PRCP: variants seen among roughly 807,000 people sequenced by gnomAD.
PRCP encodes lysosomal Pro-X carboxypeptidase.
PRCP carries 46 observed loss-of-function variants against 54.2 expected under a neutral mutation model. That is an observed-to-expected ratio of 0.85 (90% CI 0.67 to 1.09). The LOEUF is 1.09. Ranked by LOEUF, PRCP falls within the 50% of genes least tolerant of loss-of-function variation. PRCP has a pLI of 0.00. For missense variants in PRCP, 613 were observed against 596.8 expected (o/e 1.03, Z -0.28); for synonymous variants, 240 against 212.2 (o/e 1.13, Z -1.14).
chr11:82,864,431 C>A (rs1450756488), intron 1 of PRCP, among the ~76,000 whole-genome samples: 1 of 152,172 alleles, frequency 6.6e-6, no homozygotes, highest in Non-Finnish European at 1.5e-5. Flanking sequence ...CTGTTCTGGG[C>A]TCCTGAATAA....
chr11:82,861,955 A>C (rs1031661111), intron 1 of PRCP, among the ~76,000 whole-genome samples: 1 of 152,160 alleles, frequency 6.6e-6, no homozygotes, highest in Non-Finnish European at 1.5e-5. Flanking sequence ...AAATGCTCCA[A>C]ATCTGAAACT....
intron 1 of PRCP, among the ~76,000 whole-genome samples, chr11:82,888,584 A>G (rs1194331079): frequency 6.6e-6 from 1 of 152,208 alleles, no homozygotes; most frequent in Non-Finnish European, 1.5e-5. Flanking sequence ...AAACAAAGAA[A>G]AAACAAGAAA....
rs577370200 is a variant in PRCP, at chr11:82,838,555, A to T, written c.1106T>A (p.Met369Lys). The T allele has an allele frequency of 6.2e-7, 1 of 1,613,784 alleles. No homozygotes were observed. The highest frequency in any genetic ancestry group is 1.7e-5 in the Admixed American group (1 of 59,976). The change falls in exon 8 of 9, where the codon ATG becomes AAG. Residue 369 changes from methionine (M) to lysine (K), a missense_variant. Met to Lys is a moderately conservative substitution (Grantham distance 95). Transcript: ENST00000313010. ...WSYQACTEVV[M>K]PFCTNGVDDM... is the part of the protein sequence containing the mutation. ...ATCGACACCATTAGTACAAAAGGGC[A>T]TGACTACTTCTGTGCAGGCCTAAGA...
At chr11:82,865,597 ACAAAAAGTATACC>A (rs749872003) in intron 1 of PRCP, among the ~76,000 whole-genome samples, 8 of 152,270 alleles carry the variant, frequency 5.3e-5, no homozygotes, top group Non-Finnish European at 8.8e-5. Context: ...TACTAAAGAT[ACAAAAAGTATACC>A]CAGAGATATA....
At chr11:82,850,264 T>G (rs1858919600) in intron 4 of PRCP, 60 bp downstream of exon 4, 1 of 1,357,548 alleles carries the variant, frequency 7.4e-7, no homozygotes, top group Non-Finnish European at 9.6e-7. Flanking sequence ...CCAAAATGAA[T>G]CTCTAAGTTT....
intron 1 of PRCP, among the ~76,000 whole-genome samples, chr11:82,877,254 A>C (rs1859626945): frequency 1.3e-5 from 2 of 152,240 alleles, no homozygotes; most frequent in Admixed American, 6.5e-5. Flanking sequence ...GAAACAGCAT[A>C]AAAGTTCAGA....
intron 1 of PRCP, among the ~76,000 whole-genome samples, chr11:82,881,488 G>C (rs1859748778): frequency 6.6e-6 from 1 of 152,200 alleles, no homozygotes; most frequent in Non-Finnish European, 1.5e-5. Flanking sequence ...CAGCGGGGAA[G>C]GTTTCTCTGA....
intron 6 of PRCP, among the ~76,000 whole-genome samples, chr11:82,845,009 ATAAAACAT>A (rs1858771924): frequency 6.7e-6 from 1 of 149,818 alleles, no homozygotes; most frequent in Non-Finnish European, 1.5e-5. Context: ...ATATGAAATC[ATAAAACAT>A]TAAAAGTATG....
In PRCP at chr11:82,900,207, G is replaced by A. The variant is rs1260955719; in HGVS notation, c.168+28C>T. ...TCAGGGTTCCCGGCGGTTGGGCCTG[G>A]GACGGCGAAGCCCCCGCTCCCCCTT... On this transcript the variant is annotated intron_variant, in intron 1 of 8. Transcript: ENST00000313010. 13 of 1,612,266 alleles carry A rather than the reference G, an allele frequency of 8.1e-6. No individual in the cohort carries two copies. In the East Asian group the frequency reaches 2.9e-4, roughly 36 times the overall value.
At chr11:82,853,077 A>T (rs1054803337) in intron 3 of PRCP, 100 bp downstream of exon 3, 17 of 770,852 alleles carry the variant, frequency 2.2e-5, no homozygotes, top group Admixed American at 6.9e-5. Context: ...GCTTTTAGGC[A>T]TTTCAAATTT....
intron 1 of PRCP, among the ~76,000 whole-genome samples, chr11:82,891,540 G>A (rs1049013577): frequency 6.6e-6 from 1 of 152,152 alleles, no homozygotes; most frequent in Non-Finnish European, 1.5e-5. Flanking sequence ...CAATGGCCCA[G>A]ATGTCCCCGC....
intron 6 of PRCP, among the ~76,000 whole-genome samples, chr11:82,846,873 A>G (rs1410645019): frequency 6.6e-6 from 1 of 152,248 alleles, no homozygotes. Context: ...GTGGTACACC[A>G]ACTAACATTC....
At chr11:82,898,585 C>A (rs1275183592) in intron 1 of PRCP, among the ~76,000 whole-genome samples, 11 of 152,208 alleles carry the variant, frequency 7.2e-5, no homozygotes, top group African/African-American at 2.4e-4. Flanking sequence ...AGAGAGGGTA[C>A]TAGAGCACCT....
At position 82,839,276 on chromosome 11, in the gene PRCP, C is replaced by G. The variant is rs1432087931; in HGVS notation, c.1071G>C (p.Leu357=). The G allele has an allele frequency of 1.2e-6, 2 of 1,613,538 alleles. No individual in the cohort carries two copies. The highest frequency in any genetic ancestry group is 1.1e-5 in the South Asian group (1 of 90,854). The change falls in exon 7 of 9, where the codon CTG becomes CTC. Residue 357 remains leucine, a synonymous_variant. Coordinates refer to ENST00000313010, the MANE Select transcript of PRCP (RefSeq NM_005040.4). ...ACATATTTACCTGATAGCTCCAACC[C>G]AGTGTTCCCAGACTGCTAGTTGCTG... The part of the protein sequence containing the change: ...SETATSSLGT[L]GWSYQACTEV...
At chr11:82,878,174 G>A (rs1859651697) in intron 1 of PRCP, among the ~76,000 whole-genome samples, 1 of 152,180 alleles carries the variant, frequency 6.6e-6, no homozygotes, top group Admixed American at 6.5e-5. Context: ...CCCAATACCT[G>A]TACCCACATT....
At chr11:82,848,563 G>T (rs773845280) in intron 6 of PRCP, among the ~76,000 whole-genome samples, 1 of 152,168 alleles carries the variant, frequency 6.6e-6, no homozygotes, top group Non-Finnish European at 1.5e-5. Flanking sequence ...CCACTCTACT[G>T]TGCTGCATGG....
intron 2 of PRCP, among the ~76,000 whole-genome samples, chr11:82,859,327 A>G (rs990522301): frequency 1.3e-5 from 2 of 152,214 alleles, no homozygotes; most frequent in Non-Finnish European, 2.9e-5. Flanking sequence ...AGCTAAACTA[A>G]AATGTAACTA....
At chr11:82,850,594 G>C in intron 3 of PRCP, 89 bp from the exon 4 acceptor site, 1 of 1,063,104 alleles carries the variant, frequency 9.4e-7, no homozygotes, top group Non-Finnish European at 1.2e-6. Context: ...GCCAGTGTCA[G>C]ATAAGCTTTT....
chr11:82,888,028 G>C (rs966411901), intron 1 of PRCP, among the ~76,000 whole-genome samples: 1 of 151,890 alleles, frequency 6.6e-6, no homozygotes, highest in Non-Finnish European at 1.5e-5. Context: ...TGAGTTTTTT[G>C]GGTCTTCATT....
Sources: allele counts gnomAD v4.1 joint callset (sites outside exome capture counted in the v4.1 genomes callset), GRCh38; gene constraint gnomAD v4.1.1; transcripts MANE v1.5; gene names NCBI Gene and HGNC (gene_info 2026-07-23, HGNC 2026-07-21).